ALKBH8: variants seen among roughly 807,000 people sequenced by gnomAD.
ALKBH8 encodes the protein tRNA (carboxymethyluridine(34)-5-O)-methyltransferase ALKBH8.
In ALKBH8, 36 loss-of-function variants were observed where a neutral mutation model predicts 59.8. That is an observed-to-expected ratio of 0.60 (90% CI 0.46 to 0.79). The LOEUF is 0.79. Among genes scored for constraint, ALKBH8 ranks in the 30% least tolerant of loss-of-function variants. The probability of loss-of-function intolerance (pLI) is 0.00; values close to 1 mark genes in which losing one functional copy is unlikely to be tolerated. For synonymous variants in ALKBH8, 276 were observed against 273.6 expected, an observed-to-expected ratio of 1.01 and a Z score of -0.09; for missense variants, 768 against 801.0, an observed-to-expected ratio of 0.96 and a Z score of 0.50.
At chr11:107,551,098 T>C (rs1284900923) in intron 6 of ALKBH8, among the ~76,000 whole-genome samples, 1 of 152,216 alleles carries the variant, frequency 6.6e-6, no homozygotes, top group East Asian at 1.9e-4. Flanking sequence ...TTGTCTCCCA[T>C]ATTATCAAAT....
Position 107,556,997 on chromosome 11 carries a change from C to T in ALKBH8, c.136G>A (p.Val46Ile), listed in dbSNP as rs775078461. ...TTACCCAAACCACCATTGGCAACAA[C>T]CAGGCTCTTAAAAAACAAACAAACA... ...ETVSYATQSL[V>I]VANGGLGNGV... The change falls in exon 3 of 12, where the codon GTT (valine) becomes ATT (isoleucine). Residue 46 changes from valine (V) to isoleucine (I), a missense_variant. By Grantham distance (29) the Val-to-Ile change is conservative (BLOSUM62 3). Coordinates refer to ENST00000428149, the MANE Select transcript of ALKBH8 (RefSeq NM_138775.3). The T allele has an allele frequency of 1.3e-6, 2 of 1,562,882 alleles. No homozygotes were observed. Among genetic ancestry groups the T allele is most frequent in the South Asian group, 2.4e-5 (2 of 81,822 alleles).
intron 3 of ALKBH8, among the ~76,000 whole-genome samples, chr11:107,556,517 TAATA>T (rs1430295413): frequency 6.6e-6 from 1 of 152,172 alleles, no homozygotes; most frequent in Non-Finnish European, 1.5e-5. Flanking sequence ...GCCATGTGCC[TAATA>T]AATATATTGT....
intron 6 of ALKBH8, among the ~76,000 whole-genome samples, chr11:107,551,445 G>A (rs1360575224): frequency 6.6e-6 from 1 of 152,116 alleles, no homozygotes; most frequent in Non-Finnish European, 1.5e-5. Flanking sequence ...TGTAATCCCA[G>A]CACTTTGGGA....
At chr11:107,506,346 C>G (rs988241231) in intron 11 of ALKBH8, among the ~76,000 whole-genome samples, 1 of 151,312 alleles carries the variant, frequency 6.6e-6, no homozygotes, top group Non-Finnish European at 1.5e-5. Context: ...CATAAAATGC[C>G]CAGCATACAG....
chr11:107,563,903 T>C (rs1865032715), intron 1 of ALKBH8, among the ~76,000 whole-genome samples: 1 of 152,206 alleles, frequency 6.6e-6, no homozygotes. Context: ...AGAAAGACAC[T>C]AAATGGCCTT....
chr11:107,511,065 T>C (rs759907751), intron 10 of ALKBH8, 29 bp from the exon 11 acceptor site: 20 of 1,549,412 alleles, frequency 1.3e-5, no homozygotes, highest in Non-Finnish European at 1.7e-5. Context: ...TCCATAACAT[T>C]TTGTTTAAAT....
chr11:107,550,937 GAA>G (rs1208793288), intron 6 of ALKBH8, among the ~76,000 whole-genome samples: 1 of 151,996 alleles, frequency 6.6e-6, no homozygotes, highest in Admixed American at 6.6e-5. Flanking sequence ...TCTACACTGT[GAA>G]AAAATACATT....
At chr11:107,525,694 T>A (rs1413606648) in intron 8 of ALKBH8, 102 bp from the exon 9 acceptor site, 8 of 797,914 alleles carry the variant, frequency 1.0e-5, no homozygotes, top group Non-Finnish European at 1.4e-5. Context: ...GAAGAATTTA[T>A]TACAAATATC....
intron 7 of ALKBH8, among the ~76,000 whole-genome samples, chr11:107,537,013 T>TA (rs1165819213): frequency 6.6e-6 from 1 of 152,206 alleles, no homozygotes; most frequent in Non-Finnish European, 1.5e-5. Flanking sequence ...GGCCACCAGG[T>TA]AAAGCCTTTG....
Position 107,511,024 on chromosome 11 carries a change from G to A in ALKBH8, c.1300C>T (p.Arg434Cys), listed in dbSNP as rs1278747944. Residue 434 changes from arginine to cysteine, a missense_variant, in exon 11 of 12, where the codon CGT becomes TGT. Arg to Cys is a radical substitution (Grantham distance 180). Transcript: ENST00000428149. ...CAAATGTCCACAAGGTTTTGGCTAC[G>A]ATCACAACCAATCTGTAACAGAGAA... ...NKELYMIGCD[R>C]SQNLVDICRE... The A allele has an allele frequency of 1.7e-5, 26 of 1,551,798 alleles. No homozygotes were observed. The highest frequency in any genetic ancestry group is 2.4e-5 in the East Asian group (1 of 40,906).
chr11:107,511,843 T>C (rs1862640248), intron 10 of ALKBH8, among the ~76,000 whole-genome samples: 1 of 152,194 alleles, frequency 6.6e-6, no homozygotes, highest in African/African-American at 2.4e-5. Flanking sequence ...CCCAAAGTGC[T>C]GGGATTACGG....
chr11:107,528,218 A>G (rs914768941), intron 8 of ALKBH8, among the ~76,000 whole-genome samples: 1 of 152,012 alleles, frequency 6.6e-6, no homozygotes, highest in South Asian at 2.1e-4. Flanking sequence ...ATGTTCTGTT[A>G]TGGGTTTTCT....
At chr11:107,527,054 T>G (rs576169921) in intron 8 of ALKBH8, among the ~76,000 whole-genome samples, 1 of 152,080 alleles carries the variant, frequency 6.6e-6, no homozygotes, top group Non-Finnish European at 1.5e-5. Context: ...CCTTATAAAT[T>G]TTAGAATCGG....
chr11:107,534,454 T>A (rs925304489), intron 7 of ALKBH8, among the ~76,000 whole-genome samples: 1 of 152,192 alleles, frequency 6.6e-6, no homozygotes, highest in Non-Finnish European at 1.5e-5. Flanking sequence ...AGAGACAAGC[T>A]CTATATCCAC....
chr11:107,552,939 A>AT (rs1269225753), intron 5 of ALKBH8, among the ~76,000 whole-genome samples, 169 bp downstream of exon 5: 9 of 152,226 alleles, frequency 5.9e-5, no homozygotes, highest in African/African-American at 1.9e-4. Flanking sequence ...CCAGTTTGAA[A>AT]TTTTTTTACA....
Position 107,532,419 on chromosome 11 carries a change from A to G in ALKBH8, c.772-13T>C, listed in dbSNP as rs1159944920. ...AATCCATGACAATCTTGAAGCAAAGATAAAAGCATAAAGATCAATCCAAAA... is the reference window on the plus strand; with the variant it reads ...AATCCATGACAATCTTGAAGCAAAGGTAAAAGCATAAAGATCAATCCAAAA... On this transcript the variant is annotated splice_polypyrimidine_tract_variant and intron_variant, in intron 7 of 11. Coordinates refer to ENST00000428149, the MANE Select transcript of ALKBH8 (RefSeq NM_138775.3). The G allele has an allele frequency of 2.5e-6, 4 of 1,603,124 alleles. No individual in the cohort carries two copies. The Admixed American group carries it at 5.0e-5, about 20-fold the overall frequency.
chr11:107,508,109 T>C lies in ALKBH8; in HGVS notation c.1437+2778A>G, dbSNP rs114159478. 8.0e-3 allele frequency among the ~76,000 whole-genome samples: 1,219 copies of C among 152,018 alleles called. 21 individuals are homozygous for C. The highest frequency in any genetic ancestry group is 0.028 in the African/African-American group (1,154 of 41,450). ...ACTATGAGCTCTATGAAGCAGGGAC[T>C]GGGTCTTCTCCATCTTGTGCCCAGC... On this transcript the variant is annotated intron_variant, in intron 11 of 11. Transcript: ENST00000428149.
intron 10 of ALKBH8, 149 bp downstream of exon 10, chr11:107,522,150 G>T (rs1258180137): frequency 6.7e-6 from 7 of 1,042,880 alleles, no homozygotes; most frequent in Non-Finnish European, 9.4e-6. Context: ...AGAGGAATAA[G>T]AAAGAATAAA....
At chr11:107,553,247 T>C (rs941694248) in intron 4 of ALKBH8, 44 bp from the exon 5 acceptor site, 1 of 1,297,248 alleles carries the variant, frequency 7.7e-7, no homozygotes, top group Non-Finnish European at 1.1e-6. Context: ...GGAAAAGAAT[T>C]ACATTCCTTT....
Sources: gnomAD v4.1 joint callset for allele counts (sites outside exome capture counted in the v4.1 genomes callset) on GRCh38, gnomAD v4.1.1 for gene constraint, MANE v1.5 for transcripts, NCBI Gene and HGNC (gene_info 2026-07-23, HGNC 2026-07-21) for gene names.